The following SMAD2 variants were observed in gnomAD, a reference collection of about 807,000 sequenced individuals.
SMAD2 encodes MAD homolog 2.
Under a neutral mutation model 64.4 loss-of-function variants are expected in SMAD2, and 8 were observed. That is an observed-to-expected ratio of 0.12 (90% CI 0.07 to 0.22). The LOEUF (loss-of-function observed/expected upper bound fraction) is 0.22. SMAD2 is among the 10% of genes least tolerant of loss of function. SMAD2 has a pLI of 1.00. For missense variants in SMAD2, 289 were observed against 561.2 expected (o/e 0.51, Z 4.90); for synonymous variants, 203 against 195.8 (o/e 1.04, Z -0.31).
chr18:47,877,778 G>A (rs751632716), intron 2 of SMAD2, among the ~76,000 whole-genome samples: 1 of 151,974 alleles, frequency 6.6e-6, no homozygotes, highest in Non-Finnish European at 1.5e-5. Flanking sequence ...CTGCATTACA[G>A]ATGCAAAAAA....
At chr18:47,870,122 C>T (rs975819467) in intron 3 of SMAD2, among the ~76,000 whole-genome samples, 4 of 152,000 alleles carry the variant, frequency 2.6e-5, no homozygotes, top group African/African-American at 4.8e-5. Context: ...AGATGAGATT[C>T]TGATAACAAG....
rs1359323913 is a variant in SMAD2, at chr18:47,824,617, A to T, written c.*17210T>A. On this transcript the variant is annotated 3_prime_UTR_variant, in exon 11 of 11. Transcript: ENST00000262160. ...AGGTTGACAGTTATTACACCTGAAAACTAAATTCTAGCTGATCAATAAAAT... is the reference window on the plus strand; with the variant it reads ...AGGTTGACAGTTATTACACCTGAAATCTAAATTCTAGCTGATCAATAAAAT... 1 of 152,186 alleles carries T rather than the reference A, an allele frequency of 6.6e-6. No homozygotes were observed. Among genetic ancestry groups the T allele is most frequent in the Non-Finnish European group, 1.5e-5 (1 of 68,036 alleles). 9.4% of individuals were successfully genotyped at this position (152,186 alleles called of 1,614,324 possible).
At position 47,830,915 on chromosome 18, in the gene SMAD2, T is replaced by TCATC. The variant is rs1276662962; in HGVS notation, c.*10908_*10911dup. 2 of 153,212 alleles carry TCATC rather than the reference T, an allele frequency of 1.3e-5. No homozygotes were observed. The highest frequency in any genetic ancestry group is 4.8e-5 in the African/African-American group (2 of 41,470). 9.5% of individuals were successfully genotyped at this position (153,212 alleles called of 1,614,324 possible). A position where few individuals can be genotyped will look rare whatever the true frequency, so the allele number is the denominator to read the frequency against. On this transcript the variant is annotated 3_prime_UTR_variant, in exon 11 of 11. Coordinates refer to ENST00000262160, the MANE Select transcript of SMAD2 (RefSeq NM_005901.6). ...AATTCCAATGGCTTCTCTAGATGAA[T>TCATC]CATCTTTGGCTGTGAGCAAAAAAGT...
At chr18:47,884,672 G>C (rs1396036504) in intron 2 of SMAD2, among the ~76,000 whole-genome samples, 2 of 152,072 alleles carry the variant, frequency 1.3e-5, no homozygotes, top group East Asian at 3.9e-4. Context: ...AAAATAAGCA[G>C]CTTAGGTTTC....
chr18:47,868,911 A>C (rs1216943549), intron 4 of SMAD2, among the ~76,000 whole-genome samples: 2 of 152,168 alleles, frequency 1.3e-5, no homozygotes, highest in Non-Finnish European at 2.9e-5. Flanking sequence ...AGTACTTCTA[A>C]AAGCACTCCA....
Position 47,851,311 on chromosome 18 carries a change from T to C in SMAD2, c.747A>G (p.Leu249=), listed in dbSNP as rs146872557. Residue 249 remains leucine, a synonymous_variant, in exon 7 of 11, where the codon CTA becomes CTG. Transcript: ENST00000262160. Reference sequence around the variant, plus strand: ...TAACAGGGGAAAGAGTAGTAGGAGATAGTTCTGCTGGAGAGCCTAAAACAA... The same window carrying C: ...TAACAGGGGAAAGAGTAGTAGGAGACAGTTCTGCTGGAGAGCCTAAAACAA... ...QSMDTGSPAE[L]SPTTLSPVNH... The C allele has an allele frequency of 6.1e-5, 98 of 1,609,582 alleles. No homozygotes were observed. The highest frequency in any genetic ancestry group is 8.2e-5 in the Non-Finnish European group (97 of 1,176,362).
chr18:47,885,982 G>C (rs147927583), intron 2 of SMAD2, among the ~76,000 whole-genome samples: 117 of 152,292 alleles, frequency 7.7e-4, no homozygotes, highest in African/African-American at 2.6e-3. Flanking sequence ...CCAAAACAAA[G>C]TATATGGTGG....
rs180703661 is a variant in SMAD2, at chr18:47,851,980, A to T, written c.731-653T>A. Among the ~76,000 whole-genome samples the T allele has an allele frequency of 6.8e-4, 104 of 152,298 alleles. 3 individuals are homozygous for T. Among genetic ancestry groups the T allele is most frequent in the Admixed American group, 5.1e-3 (78 of 15,290 alleles). The stretch of plus-strand genomic sequence containing the variant: ...TAAAATTATCATTCATCAAGGTTGT[A>T]CCAGTTTACATTCCCAGTCACAACA... On this transcript the variant is annotated intron_variant, in intron 6 of 10. Transcript: ENST00000262160.
intron 8 of SMAD2, among the ~76,000 whole-genome samples, chr18:47,846,451 C>G (rs1355721041): frequency 6.6e-6 from 1 of 152,144 alleles, no homozygotes; most frequent in East Asian, 1.9e-4. Context: ...CACATACATT[C>G]TCTGTTAATC....
intron 1 of SMAD2, among the ~76,000 whole-genome samples, chr18:47,909,110 G>T (rs1244521176): frequency 6.6e-6 from 1 of 151,886 alleles, no homozygotes; most frequent in Non-Finnish European, 1.5e-5. Flanking sequence ...TGCCACTGCA[G>T]CTAGGCCAAC....
At chr18:47,882,041 CTTTTTTTT>C (rs71162900) in intron 2 of SMAD2, among the ~76,000 whole-genome samples, 611 of 38,864 alleles carry the variant, frequency 0.016, 14 homozygotes, top group African/African-American at 0.053. Flanking sequence ...CCACGCTTGG[CTTTTTTTT>C]TTTTTTTTTT....
At chr18:47,923,720 C>T (rs1418525668) in intron 1 of SMAD2, 1 of 152,182 alleles carries the variant, frequency 6.6e-6, no homozygotes, top group Non-Finnish European at 1.5e-5. Context: ...AACAGCTTTA[C>T]TCCTTTTATC....
intron 1 of SMAD2, among the ~76,000 whole-genome samples, chr18:47,898,290 C>G (rs1199975147): frequency 2.0e-5 from 3 of 152,106 alleles, no homozygotes; most frequent in African/African-American, 7.2e-5. Flanking sequence ...CAACTAGTAA[C>G]TGGATTATAC....
At chr18:47,869,744 T>C (rs72912385) in intron 3 of SMAD2, among the ~76,000 whole-genome samples, 10 of 152,308 alleles carry the variant, frequency 6.6e-5, no homozygotes, top group Non-Finnish European at 1.3e-4. Context: ...TTGAAAAACT[T>C]TGTCAACTTC....
chr18:47,854,372 T>C (rs2030458308), intron 6 of SMAD2, among the ~76,000 whole-genome samples: 1 of 152,222 alleles, frequency 6.6e-6, no homozygotes, highest in Non-Finnish European at 1.5e-5. Context: ...TAAACTTTTA[T>C]AAGTGCCAAA....
At chr18:47,903,622 C>T (rs1333222137) in intron 1 of SMAD2, among the ~76,000 whole-genome samples, 2 of 151,932 alleles carry the variant, frequency 1.3e-5, no homozygotes, top group Non-Finnish European at 2.9e-5. Context: ...ACAGTCAAAA[C>T]ATGAATAAAA....
intron 1 of SMAD2, 109 bp downstream of exon 1, chr18:47,930,252 C>G (rs1042633524): frequency 6.6e-6 from 1 of 152,426 alleles, no homozygotes; most frequent in Non-Finnish European, 1.5e-5. Context: ...CCGAACTCAC[C>G]ACACCCCAGC....
intron 8 of SMAD2, among the ~76,000 whole-genome samples, chr18:47,847,700 C>CAA (rs58794971): frequency 0.02 from 2,227 of 111,658 alleles, 225 homozygotes; most frequent in African/African-American, 0.078. Flanking sequence ...ATTTCCAAAG[C>CAA]AAAAAAAAAA....
intron 1 of SMAD2, among the ~76,000 whole-genome samples, chr18:47,907,831 C>T (rs1032566925): frequency 6.6e-6 from 1 of 152,118 alleles, no homozygotes; most frequent in African/African-American, 2.4e-5. Flanking sequence ...GTCTATACTC[C>T]TAGCTACTTG....
Sources: gnomAD v4.1 joint callset for allele counts (sites outside exome capture counted in the v4.1 genomes callset) on GRCh38, gnomAD v4.1.1 for gene constraint, MANE v1.5 for transcripts, NCBI Gene and HGNC (gene_info 2026-07-23, HGNC 2026-07-21) for gene names.